Variants in BMPR1B observed in about 807,000 individuals in gnomAD.
BMPR1B encodes bone morphogenetic protein receptor type 1B.
A neutral mutation model predicts 59.1 loss-of-function variants in BMPR1B; 12 were observed. The observed-to-expected ratio is 0.20, with a 90% confidence interval of 0.13 to 0.33. The LOEUF (loss-of-function observed/expected upper bound fraction) is 0.33. BMPR1B is among the 10% of genes least tolerant of loss of function. The probability of loss-of-function intolerance (pLI) is 1.00; values close to 1 mark genes in which losing one functional copy is unlikely to be tolerated. For missense variants in BMPR1B, 550 were observed against 610.9 expected (o/e 0.90, Z 1.05); for synonymous variants, 237 against 207.3 (o/e 1.14, Z -1.23).
At chr4:95,116,175 A>G (rs1216913511) in intron 6 of BMPR1B, among the ~76,000 whole-genome samples, 2 of 152,144 alleles carry the variant, frequency 1.3e-5, no homozygotes, top group Admixed American at 6.6e-5. Context: ...AAAGGGCTAA[A>G]TTAAACATTA....
intron 3 of BMPR1B, among the ~76,000 whole-genome samples, chr4:95,006,817 G>A (rs572702396): frequency 6.6e-6 from 1 of 152,040 alleles, no homozygotes; most frequent in Non-Finnish European, 1.5e-5. Context: ...AGCATTACAG[G>A]CATGAGCCAC....
intron 1 of BMPR1B, among the ~76,000 whole-genome samples, chr4:94,821,283 A>T (rs1355014337): frequency 6.6e-6 from 1 of 152,168 alleles, no homozygotes; most frequent in Non-Finnish European, 1.5e-5. Context: ...GTATTTGGTA[A>T]CTAGTAAGCA....
intron 3 of BMPR1B, among the ~76,000 whole-genome samples, chr4:95,079,463 TTAAGA>T (rs1728956326): frequency 1.1e-5 from 1 of 90,210 alleles, no homozygotes; most frequent in African/African-American, 4.0e-5. Context: ...AATGTCACAA[TTAAGA>T]TATCACATAA....
intron 1 of BMPR1B, among the ~76,000 whole-genome samples, chr4:94,826,235 C>T (rs926502143): frequency 5.9e-5 from 9 of 152,094 alleles, no homozygotes; most frequent in East Asian, 1.9e-4. Context: ...CTTGAGCCTT[C>T]GGCTGTGGTC....
At chr4:94,825,117 T>C (rs1724336247) in intron 1 of BMPR1B, among the ~76,000 whole-genome samples, 2 of 152,174 alleles carry the variant, frequency 1.3e-5, no homozygotes, top group Admixed American at 1.3e-4. Flanking sequence ...ATGTTAAGTG[T>C]TCTTTTTGTG....
intron 1 of BMPR1B, among the ~76,000 whole-genome samples, chr4:94,855,947 A>G (rs1322499143): frequency 6.6e-6 from 1 of 152,202 alleles, no homozygotes; most frequent in Admixed American, 6.5e-5. Context: ...GTCAAATGAA[A>G]ATAAAATAAA....
intron 2 of BMPR1B, among the ~76,000 whole-genome samples, chr4:94,899,455 A>C (rs1319767382): frequency 6.7e-6 from 1 of 149,646 alleles, no homozygotes; most frequent in African/African-American, 2.4e-5. Context: ...ACACACACAC[A>C]TATATATTTA....
At chr4:94,982,963 C>T (rs537703605) in intron 2 of BMPR1B, among the ~76,000 whole-genome samples, 5 of 149,590 alleles carry the variant, frequency 3.3e-5, no homozygotes, top group East Asian at 2.0e-4. Context: ...CCAGCCTGGG[C>T]GACAGAGCCA....
intron 1 of BMPR1B, among the ~76,000 whole-genome samples, chr4:94,868,777 G>A (rs1481782143): frequency 6.6e-6 from 1 of 152,178 alleles, no homozygotes; most frequent in Non-Finnish European, 1.5e-5. Flanking sequence ...TTAATCAAAG[G>A]TGTTGCACAG....
At chr4:94,758,845 C>T (rs1425549565) in intron 1 of BMPR1B, among the ~76,000 whole-genome samples, 3 of 152,094 alleles carry the variant, frequency 2.0e-5, no homozygotes, top group African/African-American at 7.2e-5. Flanking sequence ...CTCTCCCCAC[C>T]GCCTGCTCTG....
chr4:95,046,921 T>G (rs1253126509), intron 3 of BMPR1B, among the ~76,000 whole-genome samples: 1 of 152,226 alleles, frequency 6.6e-6, no homozygotes, highest in Non-Finnish European at 1.5e-5. Context: ...TTGGAGCAGT[T>G]AAGTGAACCT....
intron 4 of BMPR1B, among the ~76,000 whole-genome samples, chr4:95,110,135 A>G (rs1227237457): frequency 6.6e-6 from 1 of 151,878 alleles, no homozygotes; most frequent in Non-Finnish European, 1.5e-5. Flanking sequence ...ACTCTTGAAG[A>G]TTTTTGAGCA....
At chr4:95,099,410 T>G (rs1024816083) in intron 3 of BMPR1B, among the ~76,000 whole-genome samples, 1 of 152,218 alleles carries the variant, frequency 6.6e-6, no homozygotes, top group Non-Finnish European at 1.5e-5. Context: ...CATGCAGATA[T>G]AGAAACAGGA....
chr4:94,950,052 C>CT (rs959891836), intron 2 of BMPR1B, among the ~76,000 whole-genome samples: 3 of 152,180 alleles, frequency 2.0e-5, no homozygotes, highest in Non-Finnish European at 4.4e-5. Flanking sequence ...TGATGATGAG[C>CT]TTTTTTTCAT....
At chr4:94,837,314 G>A (rs1724863653) in intron 1 of BMPR1B, among the ~76,000 whole-genome samples, 1 of 149,328 alleles carries the variant, frequency 6.7e-6, no homozygotes, top group Non-Finnish European at 1.5e-5. Flanking sequence ...TTGGTAGCTT[G>A]ATGAGGATGG....
chr4:94,925,667 G>A (rs1210762930), intron 2 of BMPR1B, among the ~76,000 whole-genome samples: 3 of 152,092 alleles, frequency 2.0e-5, no homozygotes, highest in Non-Finnish European at 2.9e-5. Context: ...GTAAAGAAAA[G>A]CACTGAAGAG....
At chr4:94,784,951 C>G in intron 1 of BMPR1B, among the ~76,000 whole-genome samples, 1 of 152,200 alleles carries the variant, frequency 6.6e-6, no homozygotes, top group Admixed American at 6.5e-5. Context: ...TCTGGACCTA[C>G]AAAGCCTCAA....
At chr4:94,968,193 T>G (rs1247621837) in intron 2 of BMPR1B, among the ~76,000 whole-genome samples, 1 of 152,172 alleles carries the variant, frequency 6.6e-6, no homozygotes, top group Non-Finnish European at 1.5e-5. Flanking sequence ...TGCTCAGAGA[T>G]GAAAAGGTAG....
chr4:94,947,891 TC>T (rs1729779504), intron 2 of BMPR1B, among the ~76,000 whole-genome samples: 1 of 152,222 alleles, frequency 6.6e-6, no homozygotes, highest in Non-Finnish European at 1.5e-5. Flanking sequence ...ACTTTTTTCT[TC>T]CATTACTCAT....
Sources: allele counts gnomAD v4.1 joint callset (sites outside exome capture counted in the v4.1 genomes callset), GRCh38; gene constraint gnomAD v4.1.1; transcripts MANE v1.5; gene names NCBI Gene and HGNC (gene_info 2026-07-23, HGNC 2026-07-21).